Variants in HS3ST5 observed in about 807,000 individuals in gnomAD.
The protein encoded by HS3ST5 is heparan sulfate glucosamine 3-O-sulfotransferase 5.
In HS3ST5, 10 loss-of-function variants were observed where a neutral mutation model predicts 25.4. The observed-to-expected ratio is 0.39, with a 90% CI of 0.24 to 0.67. The LOEUF is 0.67. Ranked by LOEUF, HS3ST5 falls within the 30% of genes least tolerant of loss-of-function variation. HS3ST5 has a pLI of 0.44. For missense variants in HS3ST5, 324 were observed against 420.7 expected (o/e 0.77, Z 2.01); for synonymous variants, 170 against 162.4 (o/e 1.05, Z -0.36).
intron 1 of HS3ST5, among the ~76,000 whole-genome samples, chr6:114,280,076 G>A (rs968295558): frequency 6.6e-6 from 1 of 151,734 alleles, no homozygotes; most frequent in African/African-American, 2.4e-5. Flanking sequence ...TCCCAAAGAA[G>A]TGATATCTAA....
intron 3 of HS3ST5, among the ~76,000 whole-genome samples, chr6:114,071,101 A>T (rs1414003005): frequency 6.6e-6 from 1 of 152,240 alleles, no homozygotes; most frequent in Non-Finnish European, 1.5e-5. Flanking sequence ...TGCAAACTGC[A>T]ATACACAGAA....
intron 2 of HS3ST5, among the ~76,000 whole-genome samples, chr6:114,198,879 TAC>T (rs1018356808): frequency 2.0e-5 from 3 of 151,966 alleles, no homozygotes; most frequent in South Asian, 2.1e-4. Context: ...TTATGACATA[TAC>T]ACACACACAC....
At chr6:114,071,415 G>T (rs992274053) in intron 3 of HS3ST5, among the ~76,000 whole-genome samples, 5 of 152,106 alleles carry the variant, frequency 3.3e-5, no homozygotes, top group African/African-American at 9.7e-5. Context: ...GATCATTTAG[G>T]GCTGGTTTAG....
intron 2 of HS3ST5, among the ~76,000 whole-genome samples, chr6:114,187,068 A>G (rs1780252872): frequency 6.6e-6 from 1 of 152,192 alleles, no homozygotes; most frequent in South Asian, 2.1e-4. Context: ...ATCACTGCTC[A>G]TTGATAATAC....
At chr6:114,146,171 A>G (rs1048210994) in intron 3 of HS3ST5, among the ~76,000 whole-genome samples, 1 of 152,378 alleles carries the variant, frequency 6.6e-6, no homozygotes, top group Admixed American at 6.5e-5. Context: ...ACAAGAAGCA[A>G]TCTTTGAGAG....
At position 114,274,393 on chromosome 6, in the gene HS3ST5, A is replaced by G. The variant is rs115546953; in HGVS notation, c.-338-45615T>C. On this transcript the variant is annotated intron_variant, in intron 1 of 4. Coordinates refer to ENST00000312719, the MANE Select transcript of HS3ST5 (RefSeq NM_153612.4). ...GTGATCACCAATGTAAAGTGATAAT[A>G]GTCAGCACGGTTGTGTGTTTTTCTC... 5.8e-3 allele frequency among the ~76,000 whole-genome samples: 880 copies of G among 152,180 alleles called. 7 individuals are homozygous for G. Among genetic ancestry groups the G allele is most frequent in the African/African-American group, 0.02 (852 of 41,568 alleles).
chr6:114,221,875 G>C (rs2139415), intron 2 of HS3ST5, among the ~76,000 whole-genome samples: 147,155 of 151,844 alleles, frequency 0.97, 71,482 homozygotes, highest in East Asian at 1. Flanking sequence ...TCCATGGGTT[G>C]TAAACTATCG....
At chr6:114,099,104 A>C (rs13214829) in intron 3 of HS3ST5, among the ~76,000 whole-genome samples, 10 of 152,032 alleles carry the variant, frequency 6.6e-5, no homozygotes, top group Non-Finnish European at 1.5e-4. Flanking sequence ...AGTCAGCGCT[A>C]GTCTTCCATG....
At chr6:114,208,267 A>G (rs1168674877) in intron 2 of HS3ST5, among the ~76,000 whole-genome samples, 1 of 152,152 alleles carries the variant, frequency 6.6e-6, no homozygotes, top group East Asian at 1.9e-4. Context: ...ATAAATTCTG[A>G]TAATCATCAA....
rs113195066 is a variant in HS3ST5, at chr6:114,219,392, G to A, written c.-145+9193C>T. Among the ~76,000 whole-genome samples, 44 of 152,238 alleles carry A rather than the reference G, an allele frequency of 2.9e-4. 4 individuals are homozygous for A. The highest frequency in any genetic ancestry group is 1.0e-3 in the African/African-American group (43 of 41,546). On this transcript the variant is annotated intron_variant, in intron 2 of 4. Transcript: ENST00000312719. ...GTTGATCAGAGGACAATTCAACTAT[G>A]AAGTGATTAAAAATGAAAAATAAAG... is the stretch of plus-strand genomic sequence containing the variant.
chr6:114,306,294 A>T (rs1156474754), intron 1 of HS3ST5, among the ~76,000 whole-genome samples: 5 of 143,102 alleles, frequency 3.5e-5, no homozygotes, highest in Non-Finnish European at 4.6e-5. Flanking sequence ...TATATATATA[A>T]AATATATATT....
chr6:114,295,409 G>A (rs1390302507), intron 1 of HS3ST5, among the ~76,000 whole-genome samples: 1 of 152,156 alleles, frequency 6.6e-6, no homozygotes, highest in African/African-American at 2.4e-5. Flanking sequence ...TAGGGTGAGG[G>A]TAATAAGACC....
intron 3 of HS3ST5, among the ~76,000 whole-genome samples, chr6:114,126,025 G>C (rs1476122268): frequency 6.6e-6 from 1 of 152,178 alleles, no homozygotes; most frequent in Non-Finnish European, 1.5e-5. Flanking sequence ...TTCTATCTAA[G>C]AAGCTTTAAT....
chr6:114,105,812 T>C (rs907170919), intron 3 of HS3ST5, among the ~76,000 whole-genome samples: 2 of 152,208 alleles, frequency 1.3e-5, no homozygotes, highest in Non-Finnish European at 2.9e-5. Context: ...ACTCTTGTTA[T>C]ACAATGATTA....
At chr6:114,337,217 T>C (rs1382594129) in intron 1 of HS3ST5, among the ~76,000 whole-genome samples, 1 of 152,204 alleles carries the variant, frequency 6.6e-6, no homozygotes, top group Non-Finnish European at 1.5e-5. Flanking sequence ...ATCTTAAAAC[T>C]GTGCAATTAT....
intron 1 of HS3ST5, among the ~76,000 whole-genome samples, chr6:114,231,819 C>G (rs60113404): frequency 6.6e-6 from 1 of 150,558 alleles, no homozygotes; most frequent in Non-Finnish European, 1.5e-5. Context: ...TAAAATGCAG[C>G]CTCTGGAACT....
At chr6:114,084,952 C>A (rs909174787) in intron 3 of HS3ST5, among the ~76,000 whole-genome samples, 85 of 151,330 alleles carry the variant, frequency 5.6e-4, no homozygotes, top group African/African-American at 1.9e-3. Flanking sequence ...CTGCCTCAAC[C>A]TCCTAAGTAG....
chr6:114,294,981 A>G (rs1774752699), intron 1 of HS3ST5, among the ~76,000 whole-genome samples: 1 of 152,222 alleles, frequency 6.6e-6, no homozygotes. Context: ...TATCATTAAT[A>G]TTATTACATA....
chr6:114,082,280 T>A (rs191800884), intron 3 of HS3ST5, among the ~76,000 whole-genome samples: 20 of 152,376 alleles, frequency 1.3e-4, no homozygotes, highest in Non-Finnish European at 2.4e-4. Context: ...ATCATCCTAA[T>A]GATCAGCTGT....
Sources: gnomAD v4.1 joint callset for allele counts (sites outside exome capture counted in the v4.1 genomes callset) on GRCh38, gnomAD v4.1.1 for gene constraint, MANE v1.5 for transcripts, NCBI Gene and HGNC (gene_info 2026-07-23, HGNC 2026-07-21) for gene names.